The following FBXW4 variants were observed in gnomAD, a reference collection of about 807,000 sequenced individuals.
FBXW4 encodes the protein F-box and WD repeat domain containing 4.
In FBXW4, 40 loss-of-function variants were observed where a neutral mutation model predicts 61.8. The ratio of observed to expected loss-of-function variants is 0.65; its 90% confidence interval spans 0.50 to 0.84. The LOEUF is 0.84. Ranked by LOEUF, FBXW4 falls within the 40% of genes least tolerant of loss-of-function variation. The pLI is 0.00. For synonymous variants in FBXW4, 311 were observed against 313.8 expected (o/e 0.99, Z 0.10); for missense variants, 672 against 753.8 (o/e 0.89, Z 1.27).
At chr10:101,688,274 T>C (rs1280550964) in intron 1 of FBXW4, among the ~76,000 whole-genome samples, 1 of 152,166 alleles carries the variant, frequency 6.6e-6, no homozygotes, top group Non-Finnish European at 1.5e-5. Context: ...TTTTAAGGTG[T>C]CTCCAAGCCC....
At position 101,670,044 on chromosome 10, in the gene FBXW4, C is replaced by T. The variant is rs182069001; in HGVS notation, c.1141-2064G>A. On this transcript the variant is annotated intron_variant, in intron 4 of 8. Coordinates refer to ENST00000331272, the MANE Select transcript of FBXW4 (RefSeq NM_022039.4). ...TCCTGGGATTACAGGTGTGAGCCAC[C>T]GCGCCCGGCCGGGAGTGGACATTTA... Among the ~76,000 whole-genome samples, 408 of 152,150 alleles carry T rather than the reference C, an allele frequency of 2.7e-3. 2 individuals carry two copies. The highest frequency in any genetic ancestry group is 9.5e-3 in the African/African-American group (394 of 41,502).
chr10:101,676,574 G>A, intron 1 of FBXW4, 138 bp from the exon 2 acceptor site: 1 of 612,028 alleles, frequency 1.6e-6, no homozygotes, highest in Non-Finnish European at 2.8e-6. Context: ...AGGAGTAACT[G>A]TTCTCTCTCC....
At chr10:101,616,778 T>C (rs1222117238) in intron 6 of FBXW4, among the ~76,000 whole-genome samples, 2 of 152,248 alleles carry the variant, frequency 1.3e-5, no homozygotes, top group Non-Finnish European at 2.9e-5. Flanking sequence ...ATCCCTCACC[T>C]GGCACAAACT....
intron 1 of FBXW4, among the ~76,000 whole-genome samples, chr10:101,684,702 G>A (rs2134914720): frequency 6.6e-6 from 1 of 152,306 alleles, no homozygotes; most frequent in South Asian, 2.1e-4. Context: ...TATTTAAGCA[G>A]CCAAAGATAA....
At chr10:101,673,879 C>T (rs993022444) in intron 2 of FBXW4, among the ~76,000 whole-genome samples, 2 of 152,198 alleles carry the variant, frequency 1.3e-5, no homozygotes, top group African/African-American at 4.8e-5. Flanking sequence ...GTGATCTAAA[C>T]TTCCCTGGAC....
intron 2 of FBXW4, among the ~76,000 whole-genome samples, chr10:101,674,429 T>C (rs2064388786): frequency 6.6e-6 from 1 of 152,128 alleles, no homozygotes; most frequent in Non-Finnish European, 1.5e-5. Flanking sequence ...AGTTTCAAGG[T>C]TCTAGGATTC....
At chr10:101,617,439 G>A (rs2063834410) in intron 6 of FBXW4, among the ~76,000 whole-genome samples, 1 of 152,180 alleles carries the variant, frequency 6.6e-6, no homozygotes, top group Non-Finnish European at 1.5e-5. Context: ...TCTGGTGGAG[G>A]TAGTGAGAGA....
chr10:101,664,632 C>G (rs2064281012), intron 5 of FBXW4, among the ~76,000 whole-genome samples: 1 of 152,120 alleles, frequency 6.6e-6, no homozygotes, highest in African/African-American at 2.4e-5. Context: ...TGCAAAAGAG[C>G]AGGGAAACTT....
At chr10:101,651,651 C>T (rs1200628279) in intron 5 of FBXW4, among the ~76,000 whole-genome samples, 1 of 152,088 alleles carries the variant, frequency 6.6e-6, no homozygotes, top group African/African-American at 2.4e-5. Flanking sequence ...GGTTGCTTCT[C>T]CCTCCACTGC....
chr10:101,633,724 TATTATATACCAGCAATAACCAAG>T (rs2063977442), intron 5 of FBXW4, among the ~76,000 whole-genome samples: 1 of 152,194 alleles, frequency 6.6e-6, no homozygotes, highest in Non-Finnish European at 1.5e-5. Context: ...AACCAAGTGT[TATTATATACCAGCAATAACCAAG>T]TGTTATTATA....
Position 101,661,979 on chromosome 10 carries a change from A to C in FBXW4, c.1235+5907T>G, listed in dbSNP as rs542708078. ...TCCACAGCCAGCCAGAAAAAGAAAA[A>C]CTCAGAGGCACAATCTTTACTTTTG... is the stretch of plus-strand genomic sequence containing the variant. On this transcript the variant is annotated intron_variant, in intron 5 of 8. Transcript: ENST00000331272. Among the ~76,000 whole-genome samples, 7 of 151,980 alleles carry C rather than the reference A, an allele frequency of 4.6e-5. No homozygotes were observed. The East Asian group carries it at 1.4e-3, about 29-fold the overall frequency.
At chr10:101,629,549 T>C (rs2063934598) in intron 5 of FBXW4, among the ~76,000 whole-genome samples, 1 of 152,076 alleles carries the variant, frequency 6.6e-6, no homozygotes, top group Non-Finnish European at 1.5e-5. Flanking sequence ...CTCGCAAAGT[T>C]CTGGGATTAG....
intron 5 of FBXW4, among the ~76,000 whole-genome samples, chr10:101,657,785 A>T (rs1262736737): frequency 1.3e-5 from 2 of 152,154 alleles, no homozygotes; most frequent in African/African-American, 4.8e-5. Flanking sequence ...AAGAGCCAAA[A>T]ATATTCATTG....
At chr10:101,691,271 G>A (rs1439123556) in intron 1 of FBXW4, among the ~76,000 whole-genome samples, 5 of 152,022 alleles carry the variant, frequency 3.3e-5, no homozygotes, top group African/African-American at 1.2e-4. Context: ...CTCCCTCCAG[G>A]GATGACAACC....
At chr10:101,624,149 T>A (rs2063889280) in intron 6 of FBXW4, among the ~76,000 whole-genome samples, 1 of 151,794 alleles carries the variant, frequency 6.6e-6, no homozygotes, top group African/African-American at 2.4e-5. Flanking sequence ...GGTCCATGGA[T>A]GGTACCAGGG....
chr10:101,662,719 C>T (rs1234590389), intron 5 of FBXW4, among the ~76,000 whole-genome samples: 1 of 152,050 alleles, frequency 6.6e-6, no homozygotes, highest in Non-Finnish European at 1.5e-5. Flanking sequence ...TGCAGAGGGA[C>T]GAGGAGCTGT....
intron 5 of FBXW4, among the ~76,000 whole-genome samples, chr10:101,642,368 T>G (rs997239312): frequency 1.4e-5 from 2 of 146,484 alleles, no homozygotes; most frequent in Admixed American, 6.9e-5. Flanking sequence ...CTGGCCAACA[T>G]AGCGGGACCC....
In FBXW4 at chr10:101,645,245, C is replaced by T. The variant is rs552289612; in HGVS notation, c.1236-20435G>A. ...GCCAGACCCTGCCCTGACACCCCTG[C>T]GGCATGGAACAGCCTCTTCTTTTTG... On this transcript the variant is annotated intron_variant, in intron 5 of 8. Coordinates refer to ENST00000331272, the MANE Select transcript of FBXW4 (RefSeq NM_022039.4). Among the ~76,000 whole-genome samples the T allele has an allele frequency of 3.3e-5, 5 of 152,328 alleles. No individual in the cohort carries two copies. The East Asian group carries it at 5.8e-4, about 18-fold the overall frequency.
chr10:101,638,205 C>A (rs1409069176), intron 5 of FBXW4, among the ~76,000 whole-genome samples: 1 of 152,136 alleles, frequency 6.6e-6, no homozygotes, highest in African/African-American at 2.4e-5. Flanking sequence ...AAATAACCTA[C>A]GTGTCCATCA....
Sources: gnomAD v4.1 joint callset for allele counts (sites outside exome capture counted in the v4.1 genomes callset) on GRCh38, gnomAD v4.1.1 for gene constraint, MANE v1.5 for transcripts, NCBI Gene and HGNC (gene_info 2026-07-23, HGNC 2026-07-21) for gene names.